The following MTERF4 variants were observed in gnomAD, a reference collection of about 807,000 sequenced individuals.
The protein encoded by MTERF4 is transcription termination factor 4, mitochondrial.
Under a neutral mutation model 22.5 loss-of-function variants are expected in MTERF4, and 17 were observed. That is an observed-to-expected ratio of 0.75 (90% CI 0.52 to 1.13). MTERF4 has a LOEUF of 1.13. Ranked by LOEUF, MTERF4 falls within the 50% of genes most tolerant of loss-of-function variation. The pLI, the probability that MTERF4 is intolerant of heterozygous loss-of-function variation, is 0.00. For missense variants in MTERF4, 420 were observed against 466.8 expected, an observed-to-expected ratio of 0.90 and a Z score of 0.92; for synonymous variants, 165 against 175.3, an observed-to-expected ratio of 0.94 and a Z score of 0.47.
At chr2:241,052,501 T>G in the MTERF4 span, 1 of 1,456,066 alleles carries the variant, frequency 6.9e-7, no homozygotes, top group South Asian at 1.2e-5. Context: ...GCAGGGTACA[T>G]GGGATACCAG....
the MTERF4 span, among the ~76,000 whole-genome samples, chr2:241,066,784 C>A: frequency 1.3e-5 from 2 of 152,262 alleles, no homozygotes; most frequent in African/African-American, 4.8e-5. Context: ...AGCCTCCTGG[C>A]CACACCTGGG....
At chr2:241,089,076 C>T (rs545293103), downstream of MTERF4, 48 of 447,168 alleles carry the variant, frequency 1.1e-4, no homozygotes, top group African/African-American at 9.6e-4. Flanking sequence ...CCCCACCTCC[C>T]CACACAAACT....
downstream of MTERF4, among the ~76,000 whole-genome samples, chr2:241,083,645 T>G (rs1033975085): frequency 1.3e-5 from 2 of 152,218 alleles, no homozygotes; most frequent in African/African-American, 2.4e-5. Context: ...GTATCTGCCA[T>G]CTTCCCGCTG....
chr2:241,052,169 G>A, the MTERF4 span: 28 of 1,606,430 alleles, frequency 1.7e-5, no homozygotes, highest in Non-Finnish European at 2.2e-5. Context: ...TAAGGTGGGT[G>A]GGAGGCCAGG....
At chr2:241,084,584 T>G (rs946663897), downstream of MTERF4, among the ~76,000 whole-genome samples, 1 of 152,222 alleles carries the variant, frequency 6.6e-6, no homozygotes, top group African/African-American at 2.4e-5. Context: ...CTTTGAATTA[T>G]TATCAGACTT....
At chr2:241,067,471 T>C (rs1328795113), downstream of MTERF4, among the ~76,000 whole-genome samples, 1 of 152,214 alleles carries the variant, frequency 6.6e-6, no homozygotes, top group Non-Finnish European at 1.5e-5. Context: ...TCCCCTGCCA[T>C]GTCACTGCCA....
At chr2:241,086,471 A>G (rs2063580385), downstream of MTERF4, among the ~76,000 whole-genome samples, 2 of 152,192 alleles carry the variant, frequency 1.3e-5, no homozygotes, top group Admixed American at 6.5e-5. Context: ...GATGCCATCC[A>G]AAAACTTCTC....
chr2:241,089,558 G>A (rs2063774061), downstream of MTERF4, among the ~76,000 whole-genome samples: 1 of 146,190 alleles, frequency 6.8e-6, no homozygotes, highest in African/African-American at 2.7e-5. Context: ...GCATGCATCT[G>A]CCTCTTCGGA....
the MTERF4 span, chr2:241,053,014 C>T: frequency 1.8e-5 from 14 of 775,714 alleles, no homozygotes; most frequent in East Asian, 8.1e-5. Context: ...CCCCAGAAGT[C>T]GAGGCACCTT....
At chr2:241,077,850 G>A (rs1045306978) in intron 4 of MTERF4, among the ~76,000 whole-genome samples, 4 of 152,152 alleles carry the variant, frequency 2.6e-5, no homozygotes, top group African/African-American at 9.7e-5. Context: ...GACGTGGAGA[G>A]ATCAGAACCC....
At chr2:241,045,052 AT>A in the MTERF4 span, among the ~76,000 whole-genome samples, 1 of 152,202 alleles carries the variant, frequency 6.6e-6, no homozygotes, top group South Asian at 2.1e-4. Context: ...TGACAATACC[AT>A]TTATAATAGC....
chr2:241,098,037 G>A (rs925349908), intron 2 of MTERF4, among the ~76,000 whole-genome samples: 2 of 152,150 alleles, frequency 1.3e-5, no homozygotes, highest in African/African-American at 4.8e-5. Context: ...TATTAAAACC[G>A]CACTAACTGG....
chr2:241,051,860 G>A, the MTERF4 span: 4 of 1,537,472 alleles, frequency 2.6e-6, no homozygotes, highest in East Asian at 2.4e-5. This position sits in a 1 kb window ranked among gnomAD's most constrained non-coding sequence, Gnocchi z 4.7. Flanking sequence ...CTGTGAGATC[G>A]GTGCGGCCCC....
chr2:241,043,261 CAG>C, the MTERF4 span, among the ~76,000 whole-genome samples: 1 of 152,044 alleles, frequency 6.6e-6, no homozygotes, highest in Non-Finnish European at 1.5e-5. Flanking sequence ...ACCTCAAAAA[CAG>C]CCAGAGGAAA....
the MTERF4 span, among the ~76,000 whole-genome samples, chr2:241,058,148 A>G: frequency 6.6e-6 from 1 of 152,234 alleles, no homozygotes; most frequent in African/African-American, 2.4e-5. Context: ...TAGCTATATT[A>G]CTATCAGAAA....
chr2:241,064,986 G>A, the MTERF4 span: 7 of 1,508,102 alleles, frequency 4.6e-6, no homozygotes, highest in South Asian at 8.7e-5. The surrounding 1 kb of genome is among the most constrained non-coding windows in gnomAD (Gnocchi z 7.0). Flanking sequence ...TCCAGTGAGG[G>A]AGCCACGAGG....
At chr2:241,077,250 T>C (rs1003050623) in intron 4 of MTERF4, among the ~76,000 whole-genome samples, 2 of 152,112 alleles carry the variant, frequency 1.3e-5, no homozygotes, top group Non-Finnish European at 2.9e-5. Context: ...CCTCGTACCA[T>C]ATACCTCATA....
the MTERF4 span, chr2:241,049,228 T>G: frequency 1.1e-6 from 1 of 933,126 alleles, no homozygotes; most frequent in South Asian, 1.5e-5. Flanking sequence ...CCAGAGTCCC[T>G]ACTTCCCTTC....
chr2:241,064,265 T>G, the MTERF4 span: 60,188 of 614,556 alleles, frequency 0.098, 6,360 homozygotes, highest in East Asian at 0.31. The surrounding 1 kb of genome is among the most constrained non-coding windows in gnomAD (Gnocchi z 7.0). Context: ...GCCTTGGAAG[T>G]CCCCTTCTCA....
Sources: gnomAD v4.1 joint callset for allele counts (sites outside exome capture counted in the v4.1 genomes callset) on GRCh38, gnomAD v4.1.1 for gene constraint, Gnocchi (gnomAD v3.1) non-coding constraint, MANE v1.5 for transcripts, NCBI Gene and HGNC (gene_info 2026-07-23, HGNC 2026-07-21) for gene names.